ANKRD42: variants seen among roughly 807,000 people sequenced by gnomAD.
ANKRD42 encodes the protein ankyrin repeat domain-containing protein 42.
A neutral mutation model predicts 51.5 loss-of-function variants in ANKRD42; 43 were observed. That is an observed-to-expected ratio of 0.83 (90% CI 0.65 to 1.08). The LOEUF (loss-of-function observed/expected upper bound fraction) is 1.08, where lower values mean the gene tolerates loss of function less well. Ranked by LOEUF, ANKRD42 falls within the 50% of genes least tolerant of loss-of-function variation. ANKRD42 has a pLI of 0.00. For synonymous variants in ANKRD42, 203 were observed against 213.0 expected (o/e 0.95, Z 0.41); for missense variants, 608 against 629.3 (o/e 0.97, Z 0.36).
downstream of ANKRD42, among the ~76,000 whole-genome samples, chr11:83,251,724 T>C (rs930371695): frequency 4.6e-5 from 7 of 152,210 alleles, no homozygotes; most frequent in Admixed American, 1.3e-4. Context: ...ATTAATTTAG[T>C]AAATTAATTT....
intron 5 of ANKRD42, among the ~76,000 whole-genome samples, chr11:83,215,409 G>T (rs1862496163): frequency 6.6e-6 from 1 of 151,998 alleles, no homozygotes; most frequent in Admixed American, 6.6e-5. Context: ...TATACTCTGT[G>T]CCTTTTAATT....
chr11:83,248,069 C>G lies in ANKRD42; in HGVS notation c.1449C>G (p.Val483=). ...GGGAAACACTGGAAAAAATTCAAGT[C>G]CCAAACTTTGTGGCTATGGTTGGTG... ...QLRETLEKIQ[V]PNFVAMVGVL... The change falls in exon 11 of 11, where the codon GTC becomes GTG. Residue 483 remains valine (V), a synonymous_variant. Coordinates refer to ENST00000533342, the MANE Select transcript of ANKRD42 (RefSeq NM_001300975.2). 1 of 1,587,716 alleles carries G rather than the reference C, an allele frequency of 6.3e-7. No homozygotes were observed. Among genetic ancestry groups the G allele is most frequent in the African/African-American group, 1.3e-5 (1 of 74,098 alleles).
At chr11:83,260,753 A>G (rs1472683166), downstream of ANKRD42, 1 of 152,226 alleles carries the variant, frequency 6.6e-6, no homozygotes, top group Admixed American at 6.5e-5. Context: ...GATGAAAAGG[A>G]TATTTTAAAA....
At chr11:83,262,991 T>C (rs143175178), downstream of ANKRD42, among the ~76,000 whole-genome samples, 1 of 152,190 alleles carries the variant, frequency 6.6e-6, no homozygotes, top group Non-Finnish European at 1.5e-5. Context: ...TTGGTGGTAT[T>C]ATCCCCATTG....
intron 7 of ANKRD42, 112 bp downstream of exon 7, chr11:83,227,984 C>T (rs1862942812): frequency 3.2e-6 from 4 of 1,246,860 alleles, no homozygotes; most frequent in Non-Finnish European, 4.4e-6. Context: ...TTCTGATACC[C>T]TAGCAGATAT....
chr11:83,252,569 A>G (rs1394288349), downstream of ANKRD42, among the ~76,000 whole-genome samples: 2 of 152,320 alleles, frequency 1.3e-5, no homozygotes, highest in East Asian at 3.9e-4. Flanking sequence ...CACAAACACT[A>G]TGCTGACTAA....
intron 7 of ANKRD42, among the ~76,000 whole-genome samples, chr11:83,230,374 C>T (rs916919966): frequency 5.3e-5 from 8 of 152,030 alleles, no homozygotes; most frequent in African/African-American, 1.9e-4. Flanking sequence ...TTTTTTGGTA[C>T]CCTTTAACCA....
chr11:83,262,139 G>A (rs149176716), downstream of ANKRD42, among the ~76,000 whole-genome samples: 671 of 152,274 alleles, frequency 4.4e-3, 4 homozygotes, highest in Middle Eastern at 0.031. Context: ...CTTAAGGGCA[G>A]CCTTAATGCC....
chr11:83,203,721 A>G (rs765544414), intron 2 of ANKRD42, among the ~76,000 whole-genome samples: 2 of 151,822 alleles, frequency 1.3e-5, no homozygotes, highest in African/African-American at 2.4e-5. Flanking sequence ...CTACGTTAAC[A>G]CCTTTACAGT....
At chr11:83,203,394 CTTTT>C (rs1246391612) in intron 2 of ANKRD42, among the ~76,000 whole-genome samples, 1 of 129,688 alleles carries the variant, frequency 7.7e-6, no homozygotes, top group African/African-American at 2.8e-5. Flanking sequence ...TTTTTTCTTT[CTTTT>C]TTTTTTTTTT....
chr11:83,263,934 G>C (rs760467117), downstream of ANKRD42, among the ~76,000 whole-genome samples: 5 of 152,158 alleles, frequency 3.3e-5, no homozygotes, highest in Non-Finnish European at 7.4e-5. Flanking sequence ...CATCAGTAGT[G>C]ACTGCCCAGA....
chr11:83,260,645 G>A (rs1863887200), downstream of ANKRD42: 1 of 152,146 alleles, frequency 6.6e-6, no homozygotes, highest in Non-Finnish European at 1.5e-5. Context: ...TTTGAATAAT[G>A]ATTGTCAAAC....
chr11:83,251,766 T>C (rs1863679386), downstream of ANKRD42, among the ~76,000 whole-genome samples: 1 of 152,232 alleles, frequency 6.6e-6, no homozygotes, highest in Non-Finnish European at 1.5e-5. Flanking sequence ...AACTTAAAAA[T>C]TGGTAAGAAT....
At chr11:83,212,653 A>G (rs1168083451) in intron 5 of ANKRD42, 2 of 1,535,798 alleles carry the variant, frequency 1.3e-6, no homozygotes, top group Admixed American at 2.0e-5. Flanking sequence ...TGCTATTTAG[A>G]ACCTCCTTAG....
chr11:83,246,090 C>G (rs1332170970), intron 10 of ANKRD42, among the ~76,000 whole-genome samples: 2 of 152,156 alleles, frequency 1.3e-5, no homozygotes, highest in African/African-American at 4.8e-5. Flanking sequence ...TAAATTGGCT[C>G]TCTGGACAAT....
chr11:83,196,849 C>T (rs936661103), intron 1 of ANKRD42, among the ~76,000 whole-genome samples: 27 of 152,126 alleles, frequency 1.8e-4, no homozygotes, highest in African/African-American at 6.3e-4. Flanking sequence ...CCATAGAGGT[C>T]ATACTGAGAG....
chr11:83,238,937 A>T (rs1239325940), intron 8 of ANKRD42, among the ~76,000 whole-genome samples: 1 of 151,982 alleles, frequency 6.6e-6, no homozygotes, highest in Non-Finnish European at 1.5e-5. Flanking sequence ...TGAAGCTGGT[A>T]GGCAGAGGTT....
chr11:83,246,638 C>T (rs1292740855), intron 10 of ANKRD42, among the ~76,000 whole-genome samples: 1 of 152,180 alleles, frequency 6.6e-6, no homozygotes, highest in African/African-American at 2.4e-5. Context: ...TCTTTGTCCT[C>T]TGCTTTTCCT....
intron 5 of ANKRD42, chr11:83,213,569 T>G: frequency 8.3e-6 from 10 of 1,200,056 alleles, no homozygotes; most frequent in Non-Finnish European, 1.0e-5. Context: ...TTTTTTAGTT[T>G]TAGTCTTTCT....
Sources: gnomAD v4.1 joint callset for allele counts (sites outside exome capture counted in the v4.1 genomes callset) on GRCh38, gnomAD v4.1.1 for gene constraint, MANE v1.5 for transcripts, NCBI Gene and HGNC (gene_info 2026-07-23, HGNC 2026-07-21) for gene names.